Variants in GUF1 observed in about 807,000 individuals in gnomAD.
The protein encoded by GUF1 is GTP binding elongation factor GUF1, also known as translation factor GUF1, mitochondrial.
Under a neutral mutation model 82.4 loss-of-function variants are expected in GUF1, and 78 were observed. The observed-to-expected ratio is 0.95, with a 90% CI of 0.79 to 1.14. The LOEUF is 1.14. Among genes scored for constraint, GUF1 ranks in the 50% most tolerant of loss-of-function variants. GUF1 has a pLI of 0.00. For missense variants in GUF1, 814 were observed against 798.2 expected (o/e 1.02, Z -0.24); for synonymous variants, 279 against 282.3 (o/e 0.99, Z 0.12).
intron 6 of GUF1, 113 bp from the exon 7 acceptor site, chr4:44,685,846 A>C: frequency 1.6e-6 from 1 of 637,998 alleles, no homozygotes. Context: ...TATTTCTCAA[A>C]TTGATAACTA....
intron 6 of GUF1, among the ~76,000 whole-genome samples, chr4:44,684,891 A>G (rs1714962676): frequency 6.6e-6 from 1 of 152,112 alleles, no homozygotes; most frequent in African/African-American, 2.4e-5. Flanking sequence ...GAACCAGACC[A>G]TTTATTTGAT....
At chr4:44,684,499 A>G (rs1419523440) in intron 6 of GUF1, among the ~76,000 whole-genome samples, 1 of 152,082 alleles carries the variant, frequency 6.6e-6, no homozygotes, top group Non-Finnish European at 1.5e-5. Flanking sequence ...ATTCTAAGAC[A>G]ATGGAAGGAT....
At chr4:44,694,893 G>A (rs1446164557) in intron 14 of GUF1, among the ~76,000 whole-genome samples, 5 of 151,720 alleles carry the variant, frequency 3.3e-5, no homozygotes, top group African/African-American at 4.8e-5. Context: ...TGCAACCTCC[G>A]CCTCCCGGGT....
intron 14 of GUF1, among the ~76,000 whole-genome samples, chr4:44,695,281 A>C (rs1333466778): frequency 6.6e-6 from 1 of 152,218 alleles, no homozygotes; most frequent in African/African-American, 2.4e-5. Flanking sequence ...TATCGTAAAC[A>C]CTGATCATAC....
Position 44,686,080 on chromosome 4 carries a change from C to A in GUF1, c.734+57C>A, listed in dbSNP as rs1437395586. The A allele has an allele frequency of 4.1e-5, 48 of 1,168,240 alleles. 1 individual carries two copies. In the South Asian group the frequency reaches 5.9e-4, roughly 14 times the overall value. 72.4% of individuals were successfully genotyped at this position (1,168,240 alleles called of 1,614,324 possible). ...CTCTATTTAATAGTTCAAAAACTGT[C>A]CATGTTTAATAGTTCAAAGACTGTC... On this transcript the variant is annotated intron_variant, in intron 7 of 16. Transcript: ENST00000281543.
Position 44,685,968 on chromosome 4 carries a change from A to G in GUF1, c.679A>G (p.Lys227Glu). 11 of 1,600,896 alleles carry G rather than the reference A, an allele frequency of 6.9e-6. No homozygotes were observed. Among genetic ancestry groups the G allele is most frequent in the Non-Finnish European group, 9.4e-6 (11 of 1,169,382 alleles). Reference protein sequence around the residue: ...PSDECIKISAKLGTNVESVLQ... With the variant: ...PSDECIKISAELGTNVESVLQ... ...ACATGTATCTTTTTAGATTTCTGCT[A>G]AACTTGGAACAAATGTTGAGAGTGT... is the stretch of plus-strand genomic sequence containing the variant. The change falls in exon 7 of 17, where the codon AAA becomes GAA. Residue 227 changes from lysine to glutamate, a missense_variant. Lys to Glu is a moderately conservative substitution (Grantham distance 56). Transcript: ENST00000281543.
chr4:44,697,680 TTA>T (rs1228783107), intron 16 of GUF1, among the ~76,000 whole-genome samples: 1 of 142,826 alleles, frequency 7.0e-6, no homozygotes, highest in Non-Finnish European at 1.6e-5. Flanking sequence ...AAAATTGTTC[TTA>T]TATGTAATAC....
chr4:44,684,747 A>T (rs931716900), intron 6 of GUF1, among the ~76,000 whole-genome samples: 2 of 152,168 alleles, frequency 1.3e-5, no homozygotes, highest in Non-Finnish European at 2.9e-5. Flanking sequence ...CCTCCATTTC[A>T]TACTTTAAAA....
chr4:44,684,589 C>A (rs561208189), intron 6 of GUF1, among the ~76,000 whole-genome samples: 2 of 152,152 alleles, frequency 1.3e-5, no homozygotes, highest in East Asian at 3.9e-4. Context: ...AGAAGAGATA[C>A]AGGGAATCCA....
At position 44,690,754 on chromosome 4, in the gene GUF1, C is replaced by G. The variant is rs1715385775; in HGVS notation, c.1373C>G (p.Ala458Gly). ...AAAGAAATTACAATTATCAATCCTG[C>G]ACAATTCCCCGATAAATCAAAAGTA... ...REKEITIINP[A>G]QFPDKSKVTE... The change falls in exon 12 of 17, where the codon GCA (alanine) becomes GGA (glycine). Residue 458 changes from alanine to glycine, a missense_variant. Coordinates refer to ENST00000281543, the MANE Select transcript of GUF1 (RefSeq NM_021927.3). The G allele has an allele frequency of 1.9e-6, 3 of 1,592,156 alleles. No individual in the cohort carries two copies. Among genetic ancestry groups the G allele is most frequent in the Non-Finnish European group, 2.6e-6 (3 of 1,161,690 alleles).
At chr4:44,685,150 T>TA (rs1218443938) in intron 6 of GUF1, among the ~76,000 whole-genome samples, 3 of 152,096 alleles carry the variant, frequency 2.0e-5, no homozygotes, top group Non-Finnish European at 4.4e-5. Context: ...AGGACTATTG[T>TA]AAAGAAAGTA....
intron 8 of GUF1, among the ~76,000 whole-genome samples, 189 bp downstream of exon 8, chr4:44,686,902 T>C (rs1715092131): frequency 6.6e-6 from 1 of 151,932 alleles, no homozygotes; most frequent in South Asian, 2.1e-4. Flanking sequence ...AGTTGATACT[T>C]TTTTTATTCT....
chr4:44,689,954 GTCA>G lies in GUF1; in HGVS notation c.1321_1323del (p.Ser441del). ...CTACTGTTCCATATAAAGCTGTACTGTCATCATCAAAATTGATAAAGGTACTTG... is the reference window on the plus strand; with the variant it reads ...CTACTGTTCCATATAAAGCTGTACTGTCATCAAAATTGATAAAGGTACTTG... On this transcript the variant is annotated inframe_deletion, in exon 11 of 17. Coordinates refer to ENST00000281543, the MANE Select transcript of GUF1 (RefSeq NM_021927.3). 1 of 1,578,536 alleles carries G rather than the reference GTCA, an allele frequency of 6.3e-7. No individual in the cohort carries two copies. The highest frequency in any genetic ancestry group is 8.6e-7 in the Non-Finnish European group (1 of 1,158,116).
At chr4:44,678,895 G>A in intron 1 of GUF1, 108 bp downstream of exon 1, 2 of 1,159,576 alleles carry the variant, frequency 1.7e-6, no homozygotes, top group Non-Finnish European at 2.4e-6. Flanking sequence ...AACCCTGCTT[G>A]CAACTTGGTA....
At position 44,694,482 on chromosome 4, in the gene GUF1, A is replaced by T; in HGVS notation, c.1684A>T (p.Thr562Ser). 1 of 1,602,412 alleles carries T rather than the reference A, an allele frequency of 6.2e-7. No individual in the cohort carries two copies. The highest frequency in any genetic ancestry group is 1.7e-5 in the Admixed American group (1 of 59,918). Residue 562 changes from threonine to serine, a missense_variant, in exon 14 of 17, where the codon ACT (threonine) becomes TCT (serine). Thr to Ser is a moderately conservative substitution (Grantham distance 58). Coordinates refer to ENST00000281543, the MANE Select transcript of GUF1 (RefSeq NM_021927.3). ...AATGGATATTCTACTGAATGGAAATACTGTAGAGGAGCTAGTAACTGTTGT... is the reference window on the plus strand; with the variant it reads ...AATGGATATTCTACTGAATGGAAATTCTGTAGAGGAGCTAGTAACTGTTGT... ...VKMDILLNGN[T>S]VEELVTVVHK...
At chr4:44,694,620 A>T in intron 14 of GUF1, 107 bp downstream of exon 14, 1 of 677,692 alleles carries the variant, frequency 1.5e-6, no homozygotes, top group Non-Finnish European at 2.5e-6. Flanking sequence ...GGTAATTAAA[A>T]TAGAGTTCAC....
chr4:44,692,765 A>T (rs571871939), intron 13 of GUF1, among the ~76,000 whole-genome samples: 8 of 152,024 alleles, frequency 5.3e-5, no homozygotes, highest in African/African-American at 1.9e-4. Flanking sequence ...TTCTTCTTCT[A>T]TGTCTTCTTT....
intron 10 of GUF1, 73 bp from the exon 11 acceptor site, chr4:44,689,770 A>G (rs1715305639): frequency 4.3e-6 from 5 of 1,166,246 alleles, no homozygotes; most frequent in Non-Finnish European, 5.6e-6. Flanking sequence ...AAGTAACAAT[A>G]TGTTCATTAA....
chr4:44,686,857 T>A, intron 8 of GUF1, 144 bp downstream of exon 8: 1 of 602,760 alleles, frequency 1.7e-6, no homozygotes, highest in Non-Finnish European at 3.0e-6. Context: ...AAATGCTCTG[T>A]CAAGGAATCT....
Sources: gnomAD v4.1 joint callset for allele counts (sites outside exome capture counted in the v4.1 genomes callset) on GRCh38, gnomAD v4.1.1 for gene constraint, MANE v1.5 for transcripts, NCBI Gene and HGNC (gene_info 2026-07-23, HGNC 2026-07-21) for gene names.